TRPM3: variants seen among roughly 807,000 people sequenced by gnomAD.
TRPM3 encodes long transient receptor potential channel 3.
A neutral mutation model predicts 181.2 loss-of-function variants in TRPM3; 77 were observed. That is an observed-to-expected ratio of 0.42 (90% confidence interval 0.35 to 0.51). The LOEUF is 0.51. TRPM3 is among the 20% of genes least tolerant of loss of function. TRPM3 has a pLI of 0.01. For synonymous variants in TRPM3, 745 were observed against 796.4 expected (o/e 0.94, Z 1.09); for missense variants, 1,759 against 2,196.7 (o/e 0.80, Z 3.98).
chr9:70,563,214 G>A (rs147999849), intron 22 of TRPM3, among the ~76,000 whole-genome samples: 1 of 152,324 alleles, frequency 6.6e-6, no homozygotes, highest in Non-Finnish European at 1.5e-5. Context: ...CTGAGCTGAG[G>A]CTGTTCTGGA....
chr9:71,429,681 C>G (rs1204354741), intron 1 of TRPM3, among the ~76,000 whole-genome samples: 2 of 152,172 alleles, frequency 1.3e-5, no homozygotes. Flanking sequence ...ACTGCAAAGC[C>G]TAGGGTTGTT....
At position 71,399,027 on chromosome 9, in the gene TRPM3, T is replaced by C. The variant is rs1033438793; in HGVS notation, c.183+47626A>G. The stretch of plus-strand genomic sequence containing the variant: ...ATTTAGCCTTAAATAATTTTGACTA[T>C]ATCCTTTGTCCCAATAGTGCTAAGT... On this transcript the variant is annotated intron_variant, in intron 1 of 24. Coordinates refer to the TRPM3 transcript ENST00000357533. Among the ~76,000 whole-genome samples, 35 of 152,170 alleles carry C rather than the reference T, an allele frequency of 2.3e-4. 1 individual carries two copies. The highest frequency in any genetic ancestry group is 7.5e-4 in the African/African-American group (31 of 41,452).
chr9:71,167,916 A>G (rs2076617221), intron 1 of TRPM3, among the ~76,000 whole-genome samples: 1 of 152,170 alleles, frequency 6.6e-6, no homozygotes. Flanking sequence ...TTTGTTTTAT[A>G]ATGCCAATAG....
At chr9:70,856,347 A>T (rs1184999431) in intron 3 of TRPM3, among the ~76,000 whole-genome samples, 2 of 151,982 alleles carry the variant, frequency 1.3e-5, no homozygotes, top group Non-Finnish European at 2.9e-5. Flanking sequence ...CAATTACAAA[A>T]CCTCTCAAAA....
At chr9:71,122,855 A>G (rs2073795856), upstream of TRPM3, among the ~76,000 whole-genome samples, 1 of 152,212 alleles carries the variant, frequency 6.6e-6, no homozygotes, top group Non-Finnish European at 1.5e-5. Flanking sequence ...TTATCTACCA[A>G]ACAATATCAC....
At chr9:71,013,992 C>A (rs141216598) in intron 1 of TRPM3, among the ~76,000 whole-genome samples, 1 of 151,692 alleles carries the variant, frequency 6.6e-6, no homozygotes, top group African/African-American at 2.4e-5. Context: ...AACTTCCTTA[C>A]GGAGTGTTTT....
intron 1 of TRPM3, among the ~76,000 whole-genome samples, chr9:71,248,237 A>G (rs1374343320): frequency 2.6e-5 from 4 of 152,202 alleles, no homozygotes; most frequent in Admixed American, 2.0e-4. Context: ...AGTCTAAGCA[A>G]TCATAAAAAT....
chr9:70,822,902 C>T (rs2093297798), intron 6 of TRPM3, among the ~76,000 whole-genome samples: 1 of 152,032 alleles, frequency 6.6e-6, no homozygotes, highest in Admixed American at 6.5e-5. Flanking sequence ...CCATGTGTCA[C>T]TACCCACCTT....
intron 1 of TRPM3, among the ~76,000 whole-genome samples, chr9:70,986,154 G>T (rs1044613869): frequency 2.0e-5 from 3 of 152,102 alleles, no homozygotes; most frequent in African/African-American, 7.2e-5. Context: ...GAGGCTAGGA[G>T]TTTGGAGCTA....
intron 1 of TRPM3, among the ~76,000 whole-genome samples, chr9:70,931,954 T>C (rs2096779274): frequency 1.3e-5 from 2 of 152,194 alleles, no homozygotes; most frequent in Non-Finnish European, 2.9e-5. Context: ...AACACATGTT[T>C]ATCAAAATAT....
chr9:71,281,045 G>A (rs572225066), intron 1 of TRPM3, among the ~76,000 whole-genome samples: 55 of 152,310 alleles, frequency 3.6e-4, no homozygotes, highest in African/African-American at 1.3e-3. Context: ...TGTGTCCCCA[G>A]CACCTGGAAA....
chr9:71,331,406 G>A (rs1465149231), intron 1 of TRPM3, among the ~76,000 whole-genome samples: 1 of 151,686 alleles, frequency 6.6e-6, no homozygotes, highest in Non-Finnish European at 1.5e-5. Context: ...CATAATAGAT[G>A]GCACAGTAAT....
intron 1 of TRPM3, among the ~76,000 whole-genome samples, chr9:71,157,042 T>C (rs1050394917): frequency 4.0e-5 from 6 of 151,268 alleles, no homozygotes; most frequent in Admixed American, 6.6e-5. Flanking sequence ...AATGCTCCAC[T>C]TCTGCCTCCT....
intron 1 of TRPM3, among the ~76,000 whole-genome samples, chr9:71,114,572 C>T (rs1438424858): frequency 1.3e-5 from 2 of 152,324 alleles, no homozygotes; most frequent in Non-Finnish European, 2.9e-5. Context: ...CTCCTCCTTT[C>T]TGTCCAGAAT....
At chr9:70,674,582 T>G (rs1055930122) in intron 9 of TRPM3, among the ~76,000 whole-genome samples, 6 of 151,904 alleles carry the variant, frequency 3.9e-5, no homozygotes, top group Non-Finnish European at 8.8e-5. Context: ...TTGAGAGAGA[T>G]AGGGTCTTGC....
At chr9:70,537,445 T>C in intron 25 of TRPM3, 40 bp from the exon 26 acceptor site, 1 of 1,409,848 alleles carries the variant, frequency 7.1e-7, no homozygotes, top group South Asian at 1.9e-5. Context: ...TCGGCCTGGT[T>C]CCTCTGCTGG....
intron 1 of TRPM3, among the ~76,000 whole-genome samples, chr9:71,314,235 C>A (rs180700168): frequency 1.3e-5 from 2 of 152,136 alleles, no homozygotes; most frequent in East Asian, 3.9e-4. Flanking sequence ...TCACTTATAC[C>A]TGTGATAAAT....
chr9:71,089,243 A>G (rs1277263660), intron 1 of TRPM3, among the ~76,000 whole-genome samples: 2 of 149,734 alleles, frequency 1.3e-5, no homozygotes, highest in Non-Finnish European at 3.0e-5. Flanking sequence ...ATAGTGTTAT[A>G]TAGTTTGCTA....
At chr9:70,915,282 A>T (rs1185215799) in intron 1 of TRPM3, among the ~76,000 whole-genome samples, 1 of 152,034 alleles carries the variant, frequency 6.6e-6, no homozygotes, top group Non-Finnish European at 1.5e-5. Flanking sequence ...TCTGGAGCTA[A>T]AAAATGCATC....
Sources: allele counts gnomAD v4.1 joint callset (sites outside exome capture counted in the v4.1 genomes callset), GRCh38; gene constraint gnomAD v4.1.1; transcripts MANE v1.5; gene names NCBI Gene and HGNC (gene_info 2026-07-23, HGNC 2026-07-21).